Variants in DNAH14 observed in about 807,000 individuals in gnomAD.
DNAH14 encodes the protein dynein axonemal heavy chain 14.
A neutral mutation model predicts 520.9 loss-of-function variants in DNAH14; 478 were observed. The ratio of observed to expected loss-of-function variants is 0.92; its 90% confidence interval spans 0.85 to 0.99. DNAH14 has a LOEUF of 0.99. Ranked by LOEUF, DNAH14 falls within the 50% of genes least tolerant of loss-of-function variation. DNAH14 has a pLI of 0.00. For missense variants in DNAH14, 4,831 were observed against 5,234.5 expected (o/e 0.92, Z 2.38); for synonymous variants, 1,581 against 1,757.2 (o/e 0.90, Z 2.51).
intron 8 of DNAH14, among the ~76,000 whole-genome samples, chr1:224,984,573 TGCAAAAGGAATAGTCA>T (rs1333085140): frequency 1.3e-5 from 2 of 151,926 alleles, no homozygotes; most frequent in Admixed American, 1.3e-4. Flanking sequence ...GCTCTTGCAC[TGCAAAAGGAATAGTCA>T]GCAGAGTAAA....
chr1:225,359,918 A>G (rs1558515616), intron 74 of DNAH14, among the ~76,000 whole-genome samples: 1 of 152,248 alleles, frequency 6.6e-6, no homozygotes. Flanking sequence ...AACATGTGTC[A>G]TGGTGATTTG....
At chr1:224,979,192 C>T (rs539519359) in intron 8 of DNAH14, among the ~76,000 whole-genome samples, 1 of 152,218 alleles carries the variant, frequency 6.6e-6, no homozygotes, top group Non-Finnish European at 1.5e-5. Flanking sequence ...AACCACAGTA[C>T]CTGGTTTTAA....
intron 11 of DNAH14, among the ~76,000 whole-genome samples, chr1:225,024,821 AG>A (rs1179939316): frequency 6.6e-6 from 1 of 152,096 alleles, no homozygotes; most frequent in African/African-American, 2.4e-5. Flanking sequence ...TTCTTAACAT[AG>A]TTTTTGAAAG....
chr1:225,098,194 T>G (rs922679753), intron 22 of DNAH14, among the ~76,000 whole-genome samples: 1 of 148,912 alleles, frequency 6.7e-6, no homozygotes, highest in Non-Finnish European at 1.5e-5. Context: ...AGAGAGAGAC[T>G]GTTTCAAGAA....
intron 12 of DNAH14, among the ~76,000 whole-genome samples, chr1:225,041,428 G>A (rs2148211325): frequency 6.6e-6 from 1 of 152,148 alleles, no homozygotes; most frequent in East Asian, 1.9e-4. Context: ...ACTATTTACT[G>A]GTTCATTCTT....
intron 43 of DNAH14, among the ~76,000 whole-genome samples, chr1:225,244,966 G>A (rs193086601): frequency 2.0e-4 from 30 of 152,120 alleles, no homozygotes; most frequent in African/African-American, 4.6e-4. Flanking sequence ...GATCTTTCCC[G>A]CTTTCTGATG....
chr1:225,285,382 C>T (rs2093714922), intron 54 of DNAH14, among the ~76,000 whole-genome samples: 1 of 151,326 alleles, frequency 6.6e-6, no homozygotes, highest in Admixed American at 6.6e-5. Context: ...AACTCCATCT[C>T]TACAAAAATA....
At chr1:225,280,199 G>A (rs933418933) in intron 54 of DNAH14, among the ~76,000 whole-genome samples, 1 of 152,116 alleles carries the variant, frequency 6.6e-6, no homozygotes, top group Admixed American at 6.5e-5. Context: ...ACACTATCAA[G>A]TGTATCAAAA....
chr1:225,055,084 T>A (rs1217300958), intron 17 of DNAH14, among the ~76,000 whole-genome samples: 1 of 152,076 alleles, frequency 6.6e-6, no homozygotes, highest in Non-Finnish European at 1.5e-5. Flanking sequence ...GGAGTTTTAT[T>A]CTACTTTTAA....
chr1:225,201,978 C>T (rs547166257), intron 38 of DNAH14, among the ~76,000 whole-genome samples: 57 of 150,110 alleles, frequency 3.8e-4, no homozygotes, highest in African/African-American at 1.1e-3. Context: ...CAGGTTCAAG[C>T]GATTCTCCTG....
intron 43 of DNAH14, among the ~76,000 whole-genome samples, chr1:225,248,339 A>T (rs1046383505): frequency 5.3e-4 from 81 of 152,336 alleles, no homozygotes; most frequent in African/African-American, 1.9e-3. Flanking sequence ...AAAACTATTG[A>T]TTATAAAGTA....
chr1:225,268,651 T>G (rs1325891019), intron 49 of DNAH14, among the ~76,000 whole-genome samples: 1 of 152,184 alleles, frequency 6.6e-6, no homozygotes, highest in South Asian at 2.1e-4. Context: ...AAAATCACTG[T>G]GCAAAAATCA....
In DNAH14 at chr1:225,207,171, T is replaced by C; in HGVS notation, c.6390T>C (p.Ile2130=). The change falls in exon 41 of 86, where the codon ATT becomes ATC. Residue 2130 remains isoleucine, a synonymous_variant. Transcript: ENST00000682510. The part of the protein sequence containing the change: ...DITVVITLCR[I]LDAFFDFMGK... Reference sequence around the variant, plus strand: ...CAGTCGTCATAACCCTCTGCAGAATTCTTGATGCTTTCTTTGACTTCATGG... The same window carrying C: ...CAGTCGTCATAACCCTCTGCAGAATCCTTGATGCTTTCTTTGACTTCATGG... 6.5e-7 allele frequency: 1 copy of C among 1,538,390 alleles called. No homozygotes were observed. The highest frequency in any genetic ancestry group is 8.8e-7 in the Non-Finnish European group (1 of 1,141,628).
intron 17 of DNAH14, among the ~76,000 whole-genome samples, chr1:225,064,239 A>G (rs1345447552): frequency 6.6e-6 from 1 of 152,092 alleles, no homozygotes; most frequent in Non-Finnish European, 1.5e-5. Flanking sequence ...CTATATAGCC[A>G]TTGGAATGGC....
At chr1:225,298,195 G>A (rs749164430) in intron 55 of DNAH14, among the ~76,000 whole-genome samples, 1 of 151,998 alleles carries the variant, frequency 6.6e-6, no homozygotes, top group Non-Finnish European at 1.5e-5. Context: ...CTGGGGGTAT[G>A]TCTTCCAGGG....
At chr1:225,099,533 T>C (rs1194116027) in intron 22 of DNAH14, among the ~76,000 whole-genome samples, 1 of 152,064 alleles carries the variant, frequency 6.6e-6, no homozygotes, top group Non-Finnish European at 1.5e-5. Flanking sequence ...GCACCAGAAC[T>C]TCTCCCTACC....
intron 17 of DNAH14, among the ~76,000 whole-genome samples, chr1:225,059,935 C>G (rs897830833): frequency 1.3e-5 from 2 of 152,152 alleles, no homozygotes; most frequent in South Asian, 2.1e-4. Context: ...GGTAACCCGA[C>G]CTTTCTCTCT....
intron 60 of DNAH14, among the ~76,000 whole-genome samples, chr1:225,317,099 A>G (rs1466805377): frequency 1.3e-5 from 2 of 152,180 alleles, no homozygotes; most frequent in Admixed American, 6.5e-5. Flanking sequence ...GTTTGAATCA[A>G]TGACATTCAT....
At chr1:225,059,565 T>C (rs2069690995) in intron 17 of DNAH14, among the ~76,000 whole-genome samples, 1 of 152,262 alleles carries the variant, frequency 6.6e-6, no homozygotes. Flanking sequence ...TCGATCCTGT[T>C]ATTATGATGT....
Sources: gnomAD v4.1 joint callset for allele counts (sites outside exome capture counted in the v4.1 genomes callset) on GRCh38, gnomAD v4.1.1 for gene constraint, MANE v1.5 for transcripts, NCBI Gene and HGNC (gene_info 2026-07-23, HGNC 2026-07-21) for gene names.